Variants in SGCD observed in about 807,000 individuals in gnomAD.
SGCD encodes the protein delta-sarcoglycan.
SGCD carries 18 observed loss-of-function variants against 36.6 expected under a neutral mutation model. That is an observed-to-expected ratio of 0.49 (90% CI 0.34 to 0.73). SGCD has a LOEUF of 0.73. SGCD is among the 30% of genes least tolerant of loss of function. SGCD has a pLI of 0.01. For missense variants in SGCD, 387 were observed against 346.7 expected (o/e 1.12, Z -0.92); for synonymous variants, 133 against 130.6 (o/e 1.02, Z -0.12).
At chr5:156,282,084 A>G (rs1766469064) in intron 3 of SGCD, among the ~76,000 whole-genome samples, 2 of 152,150 alleles carry the variant, frequency 1.3e-5, no homozygotes. Context: ...TGAAATGTTA[A>G]GTCTTGTTAG....
chr5:156,178,702 A>G (rs1410000794), intron 3 of SGCD, among the ~76,000 whole-genome samples: 1 of 152,006 alleles, frequency 6.6e-6, no homozygotes, highest in Admixed American at 6.6e-5. Context: ...CAGCCTCCCA[A>G]GTAGCTGGGA....
intron 3 of SGCD, among the ~76,000 whole-genome samples, chr5:156,194,415 G>C (rs1414753588): frequency 6.6e-6 from 1 of 151,912 alleles, no homozygotes; most frequent in Non-Finnish European, 1.5e-5. Context: ...AAAAAATACT[G>C]TGTAAAAAGG....
At chr5:155,828,927 T>A in the SGCD span, among the ~76,000 whole-genome samples, 1 of 152,120 alleles carries the variant, frequency 6.6e-6, no homozygotes, top group African/African-American at 2.4e-5. Context: ...CCTCAGGTGA[T>A]CTGCCCACCT....
At chr5:156,229,297 T>TATACACACATATATATATATATATAA (rs1554085621) in intron 3 of SGCD, among the ~76,000 whole-genome samples, 13 of 119,862 alleles carry the variant, frequency 1.1e-4, no homozygotes, top group African/African-American at 4.2e-4. Context: ...TATATATATA[T>TATACACACATATATATATATATATAA]ATAAAATTAG....
chr5:155,895,102 G>A (rs1474618620), intron 1 of SGCD, among the ~76,000 whole-genome samples: 2 of 152,174 alleles, frequency 1.3e-5, no homozygotes, highest in Non-Finnish European at 2.9e-5. Flanking sequence ...TGCCACTGGA[G>A]GGATACAGCT....
At chr5:156,481,196 T>A (rs1338394756) in intron 3 of SGCD, among the ~76,000 whole-genome samples, 2 of 152,162 alleles carry the variant, frequency 1.3e-5, no homozygotes, top group East Asian at 3.9e-4. Flanking sequence ...TTGGTATGCA[T>A]TAAGCTAGGG....
At chr5:156,732,328 T>TCA (rs1430797166) in intron 7 of SGCD, among the ~76,000 whole-genome samples, 1 of 152,206 alleles carries the variant, frequency 6.6e-6, no homozygotes, top group African/African-American at 2.4e-5. Flanking sequence ...TTGAATTTTA[T>TCA]CAAAAGCCTT....
intron 7 of SGCD, among the ~76,000 whole-genome samples, chr5:156,735,996 G>A (rs938287018): frequency 3.3e-5 from 5 of 152,178 alleles, no homozygotes; most frequent in African/African-American, 1.2e-4. Flanking sequence ...TGGGAGAAGA[G>A]TTTTCCTGGG....
Position 156,170,809 on chromosome 5 carries a change from G to A in SGCD, c.-44+46790G>A, listed in dbSNP as rs538302029. On this transcript the variant is annotated intron_variant, in intron 3 of 9. Coordinates refer to the SGCD transcript ENST00000517913. ...AAGTTCCAGGCTGTAATCACATGCCGTCTCCCCATAAATCCCCATGCAGCT... is the reference window on the plus strand; with the variant it reads ...AAGTTCCAGGCTGTAATCACATGCCATCTCCCCATAAATCCCCATGCAGCT... 2.1e-3 allele frequency among the ~76,000 whole-genome samples: 321 copies of A among 152,232 alleles called. 1 individual carries two copies. The highest frequency in any genetic ancestry group is 3.7e-3 in the Non-Finnish European group (253 of 68,010).
intron 3 of SGCD, among the ~76,000 whole-genome samples, chr5:156,213,678 A>G (rs1232306747): frequency 6.6e-6 from 1 of 152,098 alleles, no homozygotes; most frequent in Non-Finnish European, 1.5e-5. Context: ...ATTTAAAAAT[A>G]CAGGACAGTA....
intron 3 of SGCD, among the ~76,000 whole-genome samples, chr5:156,299,658 G>A (rs1213610362): frequency 6.6e-6 from 1 of 151,778 alleles, no homozygotes; most frequent in Non-Finnish European, 1.5e-5. Context: ...TCACTTTTTT[G>A]GTTCAGCTTA....
In SGCD at chr5:156,759,288, G is replaced by A. The variant is rs774579663; in HGVS notation, c.771G>A (p.Arg257=). Residue 257 remains arginine, a synonymous_variant, in exon 9 of 9, where the codon AGG becomes AGA. Transcript: ENST00000337851. ...GATCCTACACGCCTACAGGAACGAGGCAGAAGGTCTTCGAGATCTGCGTCT... is the reference window on the plus strand; with the variant it reads ...GATCCTACACGCCTACAGGAACGAGACAGAAGGTCTTCGAGATCTGCGTCT... ...PHGSYTPTGT[R]QKVFEICVCA... is the part of the protein sequence containing the mutation. The A allele has an allele frequency of 1.5e-5, 24 of 1,613,634 alleles. No individual in the cohort carries two copies. In the South Asian group the frequency reaches 2.3e-4, roughly 16 times the overall value.
chr5:156,274,867 G>A (rs1433378672), intron 3 of SGCD, among the ~76,000 whole-genome samples: 2 of 152,060 alleles, frequency 1.3e-5, no homozygotes, highest in Non-Finnish European at 2.9e-5. Flanking sequence ...GGGTCCCTCA[G>A]TCTGCAAGGA....
At chr5:156,250,920 G>A (rs897189487) in intron 3 of SGCD, among the ~76,000 whole-genome samples, 2 of 152,166 alleles carry the variant, frequency 1.3e-5, no homozygotes, top group Non-Finnish European at 2.9e-5. Flanking sequence ...TAATAGACAC[G>A]TAAAAGCAGG....
intron 3 of SGCD, among the ~76,000 whole-genome samples, chr5:156,145,917 A>G (rs1208938967): frequency 2.0e-5 from 3 of 152,230 alleles, no homozygotes; most frequent in Non-Finnish European, 4.4e-5. Context: ...TATAGCTTTA[A>G]AAAAAGGGAT....
intron 3 of SGCD, among the ~76,000 whole-genome samples, chr5:156,284,910 G>T (rs1287997020): frequency 2.0e-5 from 3 of 152,218 alleles, no homozygotes; most frequent in Admixed American, 6.5e-5. Context: ...ACATGATTGT[G>T]TATCTAGAAA....
intron 1 of SGCD, among the ~76,000 whole-genome samples, chr5:156,328,980 G>A (rs1023391751): frequency 6.6e-6 from 1 of 152,158 alleles, no homozygotes; most frequent in African/African-American, 2.4e-5. Context: ...TCTATATTTA[G>A]CGTGCGTCAA....
chr5:156,018,133 GCA>G (rs1373501565), intron 1 of SGCD, among the ~76,000 whole-genome samples: 1 of 152,170 alleles, frequency 6.6e-6, no homozygotes, highest in African/African-American at 2.4e-5. Context: ...GCAATCCTGA[GCA>G]ACACGGTGAG....
At chr5:155,766,985 G>T in the SGCD span, among the ~76,000 whole-genome samples, 1 of 152,074 alleles carries the variant, frequency 6.6e-6, no homozygotes. Context: ...CCAATCCCCA[G>T]ACCAAAGGGA....
Sources: allele counts gnomAD v4.1 joint callset (sites outside exome capture counted in the v4.1 genomes callset), GRCh38; gene constraint gnomAD v4.1.1; transcripts MANE v1.5; gene names NCBI Gene and HGNC (gene_info 2026-07-23, HGNC 2026-07-21).